Variants in CREB5 observed in about 807,000 individuals in gnomAD.
CREB5 encodes the protein cyclic AMP-responsive element-binding protein 5.
Under a neutral mutation model 57.1 loss-of-function variants are expected in CREB5, and 19 were observed. The observed-to-expected ratio is 0.33, with a 90% confidence interval of 0.23 to 0.49. The LOEUF (loss-of-function observed/expected upper bound fraction) is 0.49. Ranked by LOEUF, CREB5 falls within the 20% of genes least tolerant of loss-of-function variation. CREB5 has a pLI of 0.99. For synonymous variants in CREB5, 238 were observed against 238.3 expected, an observed-to-expected ratio of 1.00 and a Z score of 0.01; for missense variants, 579 against 671.6, an observed-to-expected ratio of 0.86 and a Z score of 1.52.
intron 7 of CREB5, among the ~76,000 whole-genome samples, chr7:28,752,410 A>G (rs1583669533): frequency 6.6e-6 from 1 of 152,096 alleles, no homozygotes; most frequent in African/African-American, 2.4e-5. Flanking sequence ...CAAGTGGCCC[A>G]CCTGCCTCAG....
At chr7:28,306,544 TTGTTTTTTTTG>T (rs543263340) in intron 1 of CREB5, among the ~76,000 whole-genome samples, 5,551 of 54,486 alleles carry the variant, frequency 0.1, 881 homozygotes, top group African/African-American at 0.25. Flanking sequence ...AGATACAGTT[TTGTTTTTTTTG>T]TTTTTTTTTT....
chr7:28,611,866 G>T (rs1040295689), intron 5 of CREB5, among the ~76,000 whole-genome samples: 3 of 152,008 alleles, frequency 2.0e-5, no homozygotes, highest in Admixed American at 2.0e-4. Flanking sequence ...ACTGTATGTT[G>T]CAAGGGTGAA....
chr7:28,389,902 T>A (rs1787182111), intron 1 of CREB5, among the ~76,000 whole-genome samples: 1 of 152,162 alleles, frequency 6.6e-6, no homozygotes, highest in African/African-American at 2.4e-5. Flanking sequence ...GATAACACAC[T>A]GTATGCCCTG....
intron 5 of CREB5, among the ~76,000 whole-genome samples, chr7:28,616,833 C>A (rs1447124926): frequency 6.6e-6 from 1 of 152,200 alleles, no homozygotes; most frequent in Non-Finnish European, 1.5e-5. Context: ...TGATGACCAA[C>A]AGATACCAAG....
chr7:28,753,632 A>C (rs1161814000), intron 7 of CREB5, among the ~76,000 whole-genome samples: 1 of 152,142 alleles, frequency 6.6e-6, no homozygotes, highest in Admixed American at 6.5e-5. Context: ...CCCTGTGTAG[A>C]TTACAGCTTT....
intron 4 of CREB5, among the ~76,000 whole-genome samples, chr7:28,544,952 A>T (rs1393911109): frequency 6.6e-6 from 1 of 152,156 alleles, no homozygotes; most frequent in African/African-American, 2.4e-5. Context: ...GTAACTGACA[A>T]ATTATCATAA....
At chr7:28,315,328 T>C (rs955477923) in intron 1 of CREB5, among the ~76,000 whole-genome samples, 1 of 152,216 alleles carries the variant, frequency 6.6e-6, no homozygotes, top group Non-Finnish European at 1.5e-5. Flanking sequence ...GGGTCCTGAT[T>C]TGACAATTTT....
At chr7:28,491,326 G>C in intron 2 of CREB5, 3 of 867,202 alleles carry the variant, frequency 3.5e-6, no homozygotes, top group Non-Finnish European at 4.2e-6. Context: ...AACCTGGGGA[G>C]GAGTGGGGGT....
chr7:28,632,690 T>C (rs2128694289), intron 5 of CREB5, among the ~76,000 whole-genome samples: 1 of 152,304 alleles, frequency 6.6e-6, no homozygotes, highest in Middle Eastern at 3.4e-3. Flanking sequence ...GGAGATGTAG[T>C]TAAGGTCTCA....
At chr7:28,530,734 C>T (rs1447134001) in intron 4 of CREB5, among the ~76,000 whole-genome samples, 1 of 152,092 alleles carries the variant, frequency 6.6e-6, no homozygotes, top group Non-Finnish European at 1.5e-5. Flanking sequence ...TGTGATGGCC[C>T]AAGTAGAAGC....
Position 28,507,604 on chromosome 7 carries a change from C to A in CREB5, c.170-12C>A. The A allele has an allele frequency of 6.2e-7, 1 of 1,605,116 alleles. No individual in the cohort carries two copies. Among genetic ancestry groups the A allele is most frequent in the Non-Finnish European group, 8.5e-7 (1 of 1,173,470 alleles). On this transcript the variant is annotated splice_polypyrimidine_tract_variant and intron_variant, in intron 3 of 10. Transcript: ENST00000357727. ...AAAGACCCATTTATGAGCTCTCCGA[C>A]TCTGTTTTCAGATCAAACTCCGACC...
intron 5 of CREB5, among the ~76,000 whole-genome samples, chr7:28,583,835 C>T (rs1331139993): frequency 2.0e-5 from 3 of 152,050 alleles, no homozygotes; most frequent in African/African-American, 2.4e-5. Flanking sequence ...TGATCCCCCA[C>T]GCCCGGCTAA....
chr7:28,327,076 G>A (rs567489172), intron 1 of CREB5, among the ~76,000 whole-genome samples: 69 of 150,420 alleles, frequency 4.6e-4, no homozygotes, highest in African/African-American at 1.7e-3. Flanking sequence ...TTAAACCTGG[G>A]AGGCAGAGGT....
chr7:28,738,057 T>A (rs748999510), intron 7 of CREB5, among the ~76,000 whole-genome samples: 8 of 152,184 alleles, frequency 5.3e-5, no homozygotes, highest in Middle Eastern at 3.2e-3. Flanking sequence ...AACCTGTTAA[T>A]GTTAAAATAT....
intron 5 of CREB5, among the ~76,000 whole-genome samples, chr7:28,576,697 T>A (rs1180053845): frequency 6.6e-6 from 1 of 152,236 alleles, no homozygotes; most frequent in Admixed American, 6.5e-5. Flanking sequence ...GGAAGACCAC[T>A]ATTCCCTGCC....
At chr7:28,807,559 T>G (rs1363272133) in intron 8 of CREB5, among the ~76,000 whole-genome samples, 2 of 152,232 alleles carry the variant, frequency 1.3e-5, no homozygotes, top group Non-Finnish European at 2.9e-5. Flanking sequence ...GATAGAGTTT[T>G]GGATTAAAAT....
intron 2 of CREB5, chr7:28,491,341 A>T: frequency 1.4e-6 from 1 of 718,048 alleles, no homozygotes; most frequent in Non-Finnish European, 1.7e-6. Context: ...GGGGGTGCCA[A>T]TTCCTCTGAG....
At chr7:28,484,061 A>G (rs1330664647) in intron 1 of CREB5, among the ~76,000 whole-genome samples, 2 of 152,200 alleles carry the variant, frequency 1.3e-5, no homozygotes, top group Non-Finnish European at 2.9e-5. Context: ...TGTAAGCTCT[A>G]TGCAGTGGAG....
At chr7:28,801,711 T>A (rs1808375307) in intron 7 of CREB5, among the ~76,000 whole-genome samples, 3 of 152,188 alleles carry the variant, frequency 2.0e-5, no homozygotes, top group Admixed American at 2.0e-4. Context: ...TTGCTTAAAT[T>A]TTTATAATAA....
Sources: gnomAD v4.1 joint callset for allele counts (sites outside exome capture counted in the v4.1 genomes callset) on GRCh38, gnomAD v4.1.1 for gene constraint, MANE v1.5 for transcripts, NCBI Gene and HGNC (gene_info 2026-07-23, HGNC 2026-07-21) for gene names.